The following RAB11FIP1 variants were observed in gnomAD, a reference collection of about 807,000 sequenced individuals.
The protein encoded by RAB11FIP1 is rab11 family-interacting protein 1.
RAB11FIP1 carries 49 observed loss-of-function variants against 83.1 expected under a neutral mutation model. The observed-to-expected ratio is 0.59, with a 90% confidence interval of 0.47 to 0.75. The LOEUF is 0.75. RAB11FIP1 is among the 30% of genes least tolerant of loss of function. The probability of loss-of-function intolerance (pLI) is 0.00; values close to 1 mark genes in which losing one functional copy is unlikely to be tolerated. For synonymous variants in RAB11FIP1, 670 were observed against 656.0 expected (o/e 1.02, Z -0.33); for missense variants, 1,536 against 1,598.7 (o/e 0.96, Z 0.67).
At chr8:37,886,507 T>C (rs982411751) in intron 1 of RAB11FIP1, among the ~76,000 whole-genome samples, 11 of 152,214 alleles carry the variant, frequency 7.2e-5, no homozygotes, top group Non-Finnish European at 1.5e-4. Context: ...ACACTTTACA[T>C]GTGTCAGTGT....
At position 37,895,232 on chromosome 8, in the gene RAB11FIP1, TATATATATATATATATATATATATATA is replaced by T. The variant is rs1422765611; in HGVS notation, c.371+3812_371+3838del. 7.6e-3 allele frequency among the ~76,000 whole-genome samples: 50 copies of T among 6,568 alleles called. 1 individual carries two copies. The highest frequency in any genetic ancestry group is 0.029 in the Middle Eastern group (2 of 68). 4.3% of individuals were successfully genotyped at this position (6,568 alleles called of 152,430 possible). A position where few individuals can be genotyped will look rare whatever the true frequency, so the allele number is the denominator to read the frequency against. On this transcript the variant is annotated intron_variant, in intron 1 of 5. Transcript: ENST00000330843. ...AGGTGCCTGCCAATATATATATATATATATATATATATATATATATATATATATTTTTTTTTTTTTTTTTTTTTTTTT... is the reference window on the plus strand; with the variant it reads ...AGGTGCCTGCCAATATATATATATATTTTTTTTTTTTTTTTTTTTTTTTTT...
At position 37,873,016 on chromosome 8, in the gene RAB11FIP1, A is replaced by G; in HGVS notation, c.1786T>C (p.Ser596Pro). The change falls in exon 4 of 6, where the codon TCC becomes CCC. Residue 596 changes from serine to proline, a missense_variant. Physicochemically the swap from Ser to Pro is moderately conservative, Grantham distance 74 (BLOSUM62 -1). Coordinates refer to ENST00000330843, the MANE Select transcript of RAB11FIP1 (RefSeq NM_001002814.3). ...TQSSESPSVF[S>P]SLSSPIAAPI... ...GCTGCTATGGGAGATGAGAGAGAGGAGAAGACAGAAGGACTCTCAGAGGAC... is the reference window on the plus strand; with the variant it reads ...GCTGCTATGGGAGATGAGAGAGAGGGGAAGACAGAAGGACTCTCAGAGGAC... 1.9e-6 allele frequency: 3 copies of G among 1,614,092 alleles called. No homozygotes were observed. Among genetic ancestry groups the G allele is most frequent in the South Asian group, 1.1e-5 (1 of 91,084 alleles).
chr8:37,867,682 G>C (rs1806367569), intron 5 of RAB11FIP1, among the ~76,000 whole-genome samples: 2 of 149,952 alleles, frequency 1.3e-5, no homozygotes, highest in South Asian at 4.2e-4. Flanking sequence ...ACTCCAGCCT[G>C]ATCAACCAGA....
Position 37,871,843 on chromosome 8 carries a change from C to T in RAB11FIP1, c.2959G>A (p.Glu987Lys), listed in dbSNP as rs1262141645. ...TCCAGAGTTGACGACTTTGCTGTCTCTCCATCATCTTCAACCTGATCTCCG... is the reference window on the plus strand; with the variant it reads ...TCCAGAGTTGACGACTTTGCTGTCTTTCCATCATCTTCAACCTGATCTCCG... ...DDGDQVEDDG[E>K]TAKSSTLDIG... The change falls in exon 4 of 6, where the codon GAG becomes AAG. Residue 987 changes from glutamate to lysine, a missense_variant. Transcript: ENST00000330843. The T allele has an allele frequency of 2.5e-6, 4 of 1,614,214 alleles. No homozygotes were observed. Among genetic ancestry groups the T allele is most frequent in the East Asian group, 4.5e-5 (2 of 44,884 alleles).
At chr8:37,894,043 T>C (rs920301809) in intron 1 of RAB11FIP1, among the ~76,000 whole-genome samples, 1 of 152,228 alleles carries the variant, frequency 6.6e-6, no homozygotes, top group African/African-American at 2.4e-5. Context: ...AGCACTGAGC[T>C]ATCTCAGTTT....
intron 1 of RAB11FIP1, among the ~76,000 whole-genome samples, chr8:37,892,828 G>GC (rs1206581184): frequency 1.3e-5 from 2 of 151,854 alleles, no homozygotes; most frequent in Non-Finnish European, 2.9e-5. Flanking sequence ...ACACAAGCAC[G>GC]CCCCCACTTC....
intron 1 of RAB11FIP1, among the ~76,000 whole-genome samples, chr8:37,887,982 A>G (rs1344000094): frequency 6.6e-6 from 1 of 152,242 alleles, no homozygotes; most frequent in Non-Finnish European, 1.5e-5. Flanking sequence ...CAGTTTTGAC[A>G]CACTGTATTA....
At chr8:37,889,771 G>A (rs1806909789) in intron 1 of RAB11FIP1, among the ~76,000 whole-genome samples, 1 of 152,076 alleles carries the variant, frequency 6.6e-6, no homozygotes, top group Admixed American at 6.6e-5. Context: ...CAAAGGAAGG[G>A]AAAATAATTA....
rs962883981 is a variant in RAB11FIP1 at position 37,861,544 on chromosome 8, C to CT, written c.*1350dup. The CT allele has an allele frequency of 4.1e-5, 18 of 442,678 alleles. No homozygotes were observed. The highest frequency in any genetic ancestry group is 5.2e-5 in the Admixed American group (2 of 38,240). 27.4% of individuals were successfully genotyped at this position (442,678 alleles called of 1,614,324 possible). A position where few individuals can be genotyped will look rare whatever the true frequency, so the allele number is the denominator to read the frequency against. The stretch of plus-strand genomic sequence containing the variant: ...TGTCCCCTGTAGAGTGAAGGGGCTT[C>CT]TTTTTTTCTTTTTAGTTTTTTTTAA... On this transcript the variant is annotated 3_prime_UTR_variant, in exon 6 of 6. Transcript: ENST00000330843.
chr8:37,883,031 G>A (rs908276042), intron 1 of RAB11FIP1, among the ~76,000 whole-genome samples: 7 of 152,192 alleles, frequency 4.6e-5, no homozygotes, highest in Non-Finnish European at 7.3e-5. Flanking sequence ...CACCAGCCAC[G>A]GGGCTATTGA....
chr8:37,869,364 G>A (rs1806401926), intron 5 of RAB11FIP1, among the ~76,000 whole-genome samples: 1 of 152,052 alleles, frequency 6.6e-6, no homozygotes, highest in Non-Finnish European at 1.5e-5. Context: ...GGCCAAGGCA[G>A]GTGGATCACC....
At chr8:37,892,425 ATATTTATTTATTTATT>A (rs146042883) in intron 1 of RAB11FIP1, among the ~76,000 whole-genome samples, 5,699 of 144,142 alleles carry the variant, frequency 0.04, 373 homozygotes, top group African/African-American at 0.14. Context: ...ACTTTTATTT[ATATTTATTTATTTATT>A]TATTTATTTA....
In RAB11FIP1 at chr8:37,862,615, A is replaced by G; in HGVS notation, c.*280T>C. 1 of 314,896 alleles carries G rather than the reference A, an allele frequency of 3.2e-6. No individual in the cohort carries two copies. The highest frequency in any genetic ancestry group is 6.1e-5 in the East Asian group (1 of 16,488). 19.5% of individuals were successfully genotyped at this position (314,896 alleles called of 1,614,324 possible). A position where few individuals can be genotyped will look rare whatever the true frequency, so the allele number is the denominator to read the frequency against. On this transcript the variant is annotated 3_prime_UTR_variant, in exon 6 of 6. Transcript: ENST00000330843. ...GTGCCATCTGAATCTCTGGCTCAGG[A>G]TCAGATCTTATGACCACATCTCTGG... is the stretch of plus-strand genomic sequence containing the variant.
chr8:37,875,005 C>T lies in RAB11FIP1; in HGVS notation c.1132G>A (p.Asp378Asn), dbSNP rs759688836. 69 of 1,614,142 alleles carry T rather than the reference C, an allele frequency of 4.3e-5. No individual in the cohort carries two copies. The Admixed American group carries it at 1.1e-3, about 27-fold the overall frequency. The change falls in exon 3 of 6, where the codon GAC (aspartate) becomes AAC (asparagine). Residue 378 changes from aspartate to asparagine, a missense_variant. By Grantham distance (23) the Asp-to-Asn change is conservative (BLOSUM62 1). Coordinates refer to ENST00000330843, the MANE Select transcript of RAB11FIP1 (RefSeq NM_001002814.3). ...GTGGAAGATTCGGAGAGCTGCCTGT[C>T]AGAAGACAGCCCACCTCCTTCAGCA... The part of the protein sequence containing the change: ...EPAEGGGLSS[D>N]RQLSESSTKD...
chr8:37,877,691 T>C, intron 1 of RAB11FIP1, 140 bp from the exon 2 acceptor site: 1 of 551,430 alleles, frequency 1.8e-6, no homozygotes, highest in Non-Finnish European at 3.2e-6. Flanking sequence ...CTTCGGGAAG[T>C]GGTAGATGAG....
At chr8:37,880,748 A>T (rs1467595167) in intron 1 of RAB11FIP1, among the ~76,000 whole-genome samples, 1 of 147,714 alleles carries the variant, frequency 6.8e-6, no homozygotes, top group South Asian at 2.1e-4. Context: ...TGCGCAACAG[A>T]GTGAGACCCT....
At chr8:37,889,095 C>G (rs537323594) in intron 1 of RAB11FIP1, among the ~76,000 whole-genome samples, 19 of 152,280 alleles carry the variant, frequency 1.2e-4, no homozygotes, top group Non-Finnish European at 1.8e-4. Flanking sequence ...CCGCGCCCGG[C>G]TTTACTTTCC....
chr8:37,864,950 C>T (rs1465871352), intron 5 of RAB11FIP1, among the ~76,000 whole-genome samples: 3 of 143,410 alleles, frequency 2.1e-5, no homozygotes, highest in African/African-American at 5.2e-5. Flanking sequence ...TTTTTTTTCC[C>T]CATAGAGACG....
At chr8:37,875,366 G>T (rs770170921) in intron 2 of RAB11FIP1, 44 bp from the exon 3 acceptor site, 75 of 1,491,680 alleles carry the variant, frequency 5.0e-5, no homozygotes, top group Non-Finnish European at 6.7e-5. Context: ...ATGTTAAACG[G>T]GTGGTTTGCA....
Sources: gnomAD v4.1 joint callset for allele counts (sites outside exome capture counted in the v4.1 genomes callset) on GRCh38, gnomAD v4.1.1 for gene constraint, MANE v1.5 for transcripts, NCBI Gene and HGNC (gene_info 2026-07-23, HGNC 2026-07-21) for gene names.